The following RPRD1B variants were observed in gnomAD, a reference collection of about 807,000 sequenced individuals.
RPRD1B encodes regulation of nuclear pre-mRNA domain containing 1B.
RPRD1B carries 11 observed loss-of-function variants against 41.5 expected under a neutral mutation model. The ratio of observed to expected loss-of-function variants is 0.27; its 90% CI spans 0.17 to 0.44. The LOEUF is 0.44. Ranked by LOEUF, RPRD1B falls within the 20% of genes least tolerant of loss-of-function variation. RPRD1B has a pLI of 1.00. For synonymous variants in RPRD1B, 158 were observed against 155.6 expected, an observed-to-expected ratio of 1.02 and a Z score of -0.12; for missense variants, 248 against 389.9, an observed-to-expected ratio of 0.64 and a Z score of 3.06.
intron 6 of RPRD1B, among the ~76,000 whole-genome samples, chr20:38,074,852 T>A (rs190439294): frequency 2.0e-5 from 3 of 152,368 alleles, no homozygotes; most frequent in African/African-American, 7.2e-5. Context: ...CAGAGATAAC[T>A]ATTTTTAATT....
At chr20:38,046,224 G>A (rs1029092856) in intron 2 of RPRD1B, among the ~76,000 whole-genome samples, 1 of 152,178 alleles carries the variant, frequency 6.6e-6, no homozygotes, top group Non-Finnish European at 1.5e-5. Context: ...GGATTGCTGA[G>A]TCGAGCCCTA....
At chr20:38,053,730 T>G (rs2074212120) in intron 3 of RPRD1B, among the ~76,000 whole-genome samples, 1 of 152,228 alleles carries the variant, frequency 6.6e-6, no homozygotes, top group Non-Finnish European at 1.5e-5. Flanking sequence ...GTTCCACATC[T>G]GTGGATGCAA....
intron 4 of RPRD1B, among the ~76,000 whole-genome samples, chr20:38,058,129 G>A (rs2074262564): frequency 2.0e-5 from 3 of 152,144 alleles, no homozygotes; most frequent in Non-Finnish European, 2.9e-5. Flanking sequence ...TGGCTATACA[G>A]GTTAGCTTAC....
At chr20:38,069,185 G>C (rs566660917) in intron 6 of RPRD1B, among the ~76,000 whole-genome samples, 134 of 152,248 alleles carry the variant, frequency 8.8e-4, no homozygotes, top group Non-Finnish European at 1.5e-3. Context: ...TATGTCGGTG[G>C]CTCCTGCATG....
At chr20:38,050,255 A>G (rs2074171664) in intron 3 of RPRD1B, among the ~76,000 whole-genome samples, 1 of 152,202 alleles carries the variant, frequency 6.6e-6, no homozygotes, top group Non-Finnish European at 1.5e-5. Context: ...TGTGAAACCA[A>G]AGGTTAGAGG....
At position 38,090,740 on chromosome 20, in the gene RPRD1B, T is replaced by C; in HGVS notation, c.*865T>C. On this transcript the variant is annotated 3_prime_UTR_variant, in exon 7 of 7. Coordinates refer to ENST00000373433, the MANE Select transcript of RPRD1B (RefSeq NM_021215.4). ...AAGATGAAGGCCCCACACACAGGTG[T>C]GCTGCATTTGGGATCTGTGTGGGTG... 1 of 985,494 alleles carries C rather than the reference T, an allele frequency of 1.0e-6. No individual in the cohort carries two copies. Among genetic ancestry groups the C allele is most frequent in the Non-Finnish European group, 1.2e-6 (1 of 829,976 alleles). 61.0% of individuals were successfully genotyped at this position (985,494 alleles called of 1,614,324 possible).
Position 38,091,135 on chromosome 20 carries a change from T to A in RPRD1B, c.*1260T>A, listed in dbSNP as rs2074608744. ...GTAAATCATTCTAATTTGGCAGGCTTATTTTTGACATTGGAAAGGGCAGAA... is the reference window on the plus strand; with the variant it reads ...GTAAATCATTCTAATTTGGCAGGCTAATTTTTGACATTGGAAAGGGCAGAA... On this transcript the variant is annotated 3_prime_UTR_variant, in exon 7 of 7. Coordinates refer to ENST00000373433, the MANE Select transcript of RPRD1B (RefSeq NM_021215.4). 1 of 985,714 alleles carries A rather than the reference T, an allele frequency of 1.0e-6. No homozygotes were observed. The highest frequency in any genetic ancestry group is 1.2e-6 in the Non-Finnish European group (1 of 829,926). 61.1% of individuals were successfully genotyped at this position (985,714 alleles called of 1,614,324 possible). A position where few individuals can be genotyped will look rare whatever the true frequency, so the allele number is the denominator to read the frequency against.
At chr20:38,041,148 T>C (rs959713062) in intron 2 of RPRD1B, among the ~76,000 whole-genome samples, 3 of 139,906 alleles carry the variant, frequency 2.1e-5, no homozygotes, top group African/African-American at 9.1e-5. Flanking sequence ...AAGCATACAT[T>C]GGATTAAAAG....
chr20:38,062,696 G>A (rs1424325177), intron 5 of RPRD1B, among the ~76,000 whole-genome samples: 5 of 152,004 alleles, frequency 3.3e-5, no homozygotes, highest in African/African-American at 1.2e-4. Flanking sequence ...TACTTCGTTT[G>A]TTCCTCTTGC....
chr20:38,041,574 A>G (rs2074066392), intron 2 of RPRD1B, among the ~76,000 whole-genome samples: 1 of 152,262 alleles, frequency 6.6e-6, no homozygotes, highest in Non-Finnish European at 1.5e-5. Flanking sequence ...TGAAAAAAAT[A>G]CTGAATCTTC....
At position 38,090,973 on chromosome 20, in the gene RPRD1B, C is replaced by T. The variant is rs2074607326; in HGVS notation, c.*1098C>T. On this transcript the variant is annotated 3_prime_UTR_variant, in exon 7 of 7. Coordinates refer to ENST00000373433, the MANE Select transcript of RPRD1B (RefSeq NM_021215.4). ...TCAGATGTTATTGAATAGCTCGTCT[C>T]GGGCAGGGGAAGCGGGGAGTTGGGG... 5 of 985,442 alleles carry T rather than the reference C, an allele frequency of 5.1e-6. No individual in the cohort carries two copies. The highest frequency in any genetic ancestry group is 4.8e-6 in the Non-Finnish European group (4 of 829,932). 61.0% of individuals were successfully genotyped at this position (985,442 alleles called of 1,614,324 possible).
chr20:38,043,483 A>G lies in RPRD1B; in HGVS notation c.281+2919A>G, dbSNP rs991403540. Among the ~76,000 whole-genome samples, 4 of 152,182 alleles carry G rather than the reference A, an allele frequency of 2.6e-5. No individual in the cohort carries two copies. The South Asian group carries it at 8.3e-4, about 32-fold the overall frequency. ...GAATGATATATTCCAATATATTCCA[A>G]CATACATTTTTAAAACATCCCTCTT... On this transcript the variant is annotated intron_variant, in intron 2 of 6. Coordinates refer to ENST00000373433, the MANE Select transcript of RPRD1B (RefSeq NM_021215.4).
chr20:38,087,420 G>A (rs12625508), intron 6 of RPRD1B, among the ~76,000 whole-genome samples: 22,530 of 152,142 alleles, frequency 0.15, 1,718 homozygotes, highest in South Asian at 0.28. Context: ...TCCCAGCTCA[G>A]CTTCTAGAGA....
chr20:38,090,209 T>C lies in RPRD1B; in HGVS notation c.*334T>C. 1 of 1,012,934 alleles carries C rather than the reference T, an allele frequency of 9.9e-7. No homozygotes were observed. The highest frequency in any genetic ancestry group is 1.2e-6 in the Non-Finnish European group (1 of 847,706). 62.7% of individuals were successfully genotyped at this position (1,012,934 alleles called of 1,614,324 possible). On this transcript the variant is annotated 3_prime_UTR_variant, in exon 7 of 7. Coordinates refer to ENST00000373433, the MANE Select transcript of RPRD1B (RefSeq NM_021215.4). ...GAAAATCATGTGTACTTCTGGAAGC[T>C]TTCGAAAGAATCTTGTCCCTCATGA... is the stretch of plus-strand genomic sequence containing the variant.
intron 4 of RPRD1B, 142 bp downstream of exon 4, chr20:38,057,786 C>G (rs2074259453): frequency 3.5e-6 from 2 of 577,294 alleles, no homozygotes; most frequent in Non-Finnish European, 6.3e-6. Flanking sequence ...ATCATCCTGC[C>G]CAAAGGAGCT....
chr20:38,076,942 G>T, intron 6 of RPRD1B, among the ~76,000 whole-genome samples: 2 of 59,132 alleles, frequency 3.4e-5, no homozygotes, highest in African/African-American at 6.5e-5. Flanking sequence ...TTTTTGAGAT[G>T]GAGTCTCGCT....
At chr20:38,051,002 G>T (rs2074179627) in intron 3 of RPRD1B, among the ~76,000 whole-genome samples, 2 of 152,124 alleles carry the variant, frequency 1.3e-5, no homozygotes, top group African/African-American at 2.4e-5. Flanking sequence ...TTATATTCCA[G>T]CTTTGATTCA....
intron 6 of RPRD1B, among the ~76,000 whole-genome samples, chr20:38,086,183 G>T (rs1709948047): frequency 6.6e-6 from 1 of 152,162 alleles, no homozygotes; most frequent in Admixed American, 6.5e-5. Context: ...TGGAAAGCCT[G>T]AATCTGTTTT....
rs1169616845 is a variant in RPRD1B at position 38,090,275 on chromosome 20, G to A, written c.*400G>A. On this transcript the variant is annotated 3_prime_UTR_variant, in exon 7 of 7. Coordinates refer to ENST00000373433, the MANE Select transcript of RPRD1B (RefSeq NM_021215.4). ...AAAGCAGCTTCTCCTTTCTGGGCTG[G>A]GCTTGTTCAAGTTCGGTGTGGGCTT... The A allele has an allele frequency of 1.0e-6, 1 of 989,118 alleles. No individual in the cohort carries two copies. Among genetic ancestry groups the A allele is most frequent in the African/African-American group, 1.7e-5 (1 of 57,288 alleles). The allele number at this position is 989,118 out of a possible 1,614,324, so 61.3% of individuals were successfully genotyped here. A position where few individuals can be genotyped will look rare whatever the true frequency, so the allele number is the denominator to read the frequency against.
Sources: gnomAD v4.1 joint callset for allele counts (sites outside exome capture counted in the v4.1 genomes callset) on GRCh38, gnomAD v4.1.1 for gene constraint, MANE v1.5 for transcripts, NCBI Gene and HGNC (gene_info 2026-07-23, HGNC 2026-07-21) for gene names.